The following SEC31A variants were observed in gnomAD, a reference collection of about 807,000 sequenced individuals.
The protein encoded by SEC31A is protein transport protein Sec31A.
In SEC31A, 70 loss-of-function variants were observed where a neutral mutation model predicts 151.0. The ratio of observed to expected loss-of-function variants is 0.46; its 90% CI spans 0.38 to 0.57. The LOEUF (loss-of-function observed/expected upper bound fraction) is 0.57, where lower values mean the gene tolerates loss of function less well. SEC31A is among the 20% of genes least tolerant of loss of function. SEC31A has a pLI of 0.00. For synonymous variants in SEC31A, 475 were observed against 505.9 expected (o/e 0.94, Z 0.82); for missense variants, 1,330 against 1,471.2 (o/e 0.90, Z 1.57).
chr4:82,847,786 G>A (rs770658434), intron 20 of SEC31A, among the ~76,000 whole-genome samples: 11 of 152,130 alleles, frequency 7.2e-5, no homozygotes, highest in Non-Finnish European at 1.0e-4. Context: ...ACAGCAGCCA[G>A]AGCAATGCCA....
chr4:82,883,442 G>T (rs1404208870), intron 1 of SEC31A, among the ~76,000 whole-genome samples: 1 of 152,164 alleles, frequency 6.6e-6, no homozygotes, highest in South Asian at 2.1e-4. Flanking sequence ...TATGGCAATT[G>T]TGCCTTTTCA....
chr4:82,823,613 A>G (rs1723895969), intron 25 of SEC31A, among the ~76,000 whole-genome samples: 2 of 152,224 alleles, frequency 1.3e-5, no homozygotes, highest in Admixed American at 1.3e-4. Flanking sequence ...CAGAAAATGA[A>G]ATTTCACTTA....
upstream of SEC31A, chr4:82,893,596 A>C (rs1260342675): frequency 6.6e-6 from 1 of 152,226 alleles, no homozygotes; most frequent in Non-Finnish European, 1.5e-5. Flanking sequence ...TAAGGGCTAT[A>C]AACAAAATTT....
In SEC31A at chr4:82,842,149, G is replaced by A. The variant is rs1182102349; in HGVS notation, c.2959C>T (p.Gln987Ter). Residue 987 changes from glutamine to a stop codon, truncating the protein, a stop_gained, in exon 22 of 27, where the codon CAA becomes TAA. Coordinates refer to ENST00000395310, the MANE Select transcript of SEC31A (RefSeq NM_001077207.4). LOFTEE classifies it high-confidence loss of function. Reference sequence around the variant, plus strand: ...CCTTTCAAGCGCAGACCTGTTCTTTGGGACGCAGGCAGCTCACTGGCAGCA... The same window carrying A: ...CCTTTCAAGCGCAGACCTGTTCTTTAGGACGCAGGCAGCTCACTGGCAGCA... ...LPAASELPASQRTGPQNGWND... is the reference protein window; with the variant it reads ...LPAASELPAS 1 of 1,556,318 alleles carries A rather than the reference G, an allele frequency of 6.4e-7. No homozygotes were observed. The highest frequency in any genetic ancestry group is 8.7e-7 in the Non-Finnish European group (1 of 1,150,550).
intron 8 of SEC31A, 26 bp from the exon 9 acceptor site, chr4:82,867,342 A>G: frequency 6.2e-7 from 1 of 1,608,304 alleles, no homozygotes; most frequent in South Asian, 1.1e-5. Flanking sequence ...ACAAACAACA[A>G]AACTCAGAAA....
intron 1 of SEC31A, among the ~76,000 whole-genome samples, chr4:82,883,807 C>T (rs779506169): frequency 1.3e-4 from 20 of 148,622 alleles, no homozygotes; most frequent in Non-Finnish European, 2.5e-4. Flanking sequence ...CCAGCCTGGG[C>T]GACAGAGTGA....
At chr4:82,882,981 G>A (rs1013325330) in intron 1 of SEC31A, among the ~76,000 whole-genome samples, 1 of 152,130 alleles carries the variant, frequency 6.6e-6, no homozygotes, top group Non-Finnish European at 1.5e-5. Flanking sequence ...TTAGCCAGGT[G>A]TGGTGGTGCA....
chr4:82,857,800 T>C, intron 14 of SEC31A, 36 bp from the exon 15 acceptor site: 1 of 1,336,132 alleles, frequency 7.5e-7, no homozygotes, highest in Non-Finnish European at 1.1e-6. Flanking sequence ...TTAGCCAGAA[T>C]AAAACTGTGG....
At position 82,842,197 on chromosome 4, in the gene SEC31A, G is replaced by T. The variant is rs1162716757; in HGVS notation, c.2911C>A (p.Pro971Thr). 2 of 1,602,120 alleles carry T rather than the reference G, an allele frequency of 1.2e-6. No individual in the cohort carries two copies. Among genetic ancestry groups the T allele is most frequent in the African/African-American group, 1.3e-5 (1 of 74,730 alleles). Reference sequence around the variant, plus strand: ...GCAGGCAGTGTACCTGTTGTTCCAGGAGGCAGTGCATAAGCTGAAGATGAT... The same window carrying T: ...GCAGGCAGTGTACCTGTTGTTCCAGTAGGCAGTGCATAAGCTGAAGATGAT... ...PPSSSAYALP[P>T]GTTGTLPAAS... is the part of the protein sequence containing the mutation. The change falls in exon 22 of 27, where the codon CCT becomes ACT. Residue 971 changes from proline (P) to threonine (T), a missense_variant. Coordinates refer to ENST00000395310, the MANE Select transcript of SEC31A (RefSeq NM_001077207.4).
At chr4:82,877,179 T>C (rs1174333285) in intron 4 of SEC31A, among the ~76,000 whole-genome samples, 1 of 152,078 alleles carries the variant, frequency 6.6e-6, no homozygotes, top group Non-Finnish European at 1.5e-5. Flanking sequence ...CAGTGAGTCA[T>C]GAGCCACTGC....
intron 14 of SEC31A, among the ~76,000 whole-genome samples, chr4:82,858,318 G>T (rs914621091): frequency 5.9e-5 from 9 of 151,650 alleles, no homozygotes; most frequent in African/African-American, 1.9e-4. Context: ...GGCCGAGGCG[G>T]GCAGATCACG....
At chr4:82,847,542 T>C (rs1267269701) in intron 20 of SEC31A, among the ~76,000 whole-genome samples, 2 of 152,190 alleles carry the variant, frequency 1.3e-5, no homozygotes, top group East Asian at 3.8e-4. Context: ...ACCTGACAGG[T>C]AGCTTGGTTT....
In SEC31A at chr4:82,827,502, G is replaced by C; in HGVS notation, c.3158C>G (p.Pro1053Arg). The change falls in exon 24 of 27, where the codon CCA (proline) becomes CGA (arginine). Residue 1053 changes from proline (P) to arginine (R), a missense_variant. By Grantham distance (103) the Pro-to-Arg change is moderately radical. Coordinates refer to ENST00000395310, the MANE Select transcript of SEC31A (RefSeq NM_001077207.4). ...PVPLSSQSSF[P>R]QPHLPGGQPF... ...CTGGCCACCTGGAAGATGTGGCTGTGGGAATGAAGACTGGCTTGACAGTGG... is the reference window on the plus strand; with the variant it reads ...CTGGCCACCTGGAAGATGTGGCTGTCGGAATGAAGACTGGCTTGACAGTGG... 1 of 1,614,220 alleles carries C rather than the reference G, an allele frequency of 6.2e-7. No homozygotes were observed. The highest frequency in any genetic ancestry group is 1.7e-5 in the Admixed American group (1 of 60,022).
intron 20 of SEC31A, 83 bp from the exon 21 acceptor site, chr4:82,844,592 A>G: frequency 1.5e-6 from 2 of 1,377,150 alleles, no homozygotes; most frequent in Non-Finnish European, 2.0e-6. Flanking sequence ...TCTGAAATGG[A>G]ATTCTATGTT....
chr4:82,885,125 T>C (rs1235011476), intron 1 of SEC31A, among the ~76,000 whole-genome samples: 1 of 152,212 alleles, frequency 6.6e-6, no homozygotes, highest in Non-Finnish European at 1.5e-5. Flanking sequence ...TTTACATGTA[T>C]ACTTTTGCCC....
upstream of SEC31A, among the ~76,000 whole-genome samples, chr4:82,892,235 TC>T (rs1719841564): frequency 6.6e-6 from 1 of 152,272 alleles, no homozygotes; most frequent in Non-Finnish European, 1.5e-5. Context: ...ACTAAGGTTA[TC>T]ACTTTGGCCT....
chr4:82,841,690 G>C (rs1203650340), intron 22 of SEC31A, among the ~76,000 whole-genome samples: 1 of 150,818 alleles, frequency 6.6e-6, no homozygotes, highest in African/African-American at 2.4e-5. Context: ...ACTCAATCAA[G>C]GCCAGGTTCA....
At chr4:82,896,988 C>G (rs1427754742) in intron 3 of SEC31A, among the ~76,000 whole-genome samples, 1 of 152,180 alleles carries the variant, frequency 6.6e-6, no homozygotes, top group East Asian at 1.9e-4. Flanking sequence ...AAAATATAGA[C>G]CTTGTCAAGC....
intron 22 of SEC31A, among the ~76,000 whole-genome samples, chr4:82,834,230 C>T (rs1045248010): frequency 6.6e-6 from 1 of 152,212 alleles, no homozygotes; most frequent in African/African-American, 2.4e-5. Flanking sequence ...CAGGCTTCAG[C>T]TTCTGGCTGA....
Sources: gnomAD v4.1 joint callset for allele counts (sites outside exome capture counted in the v4.1 genomes callset) on GRCh38, gnomAD v4.1.1 for gene constraint, MANE v1.5 for transcripts, NCBI Gene and HGNC (gene_info 2026-07-23, HGNC 2026-07-21) for gene names.